PTK2: variants seen among roughly 807,000 people sequenced by gnomAD.
PTK2 encodes the protein protein tyrosine kinase 2.
PTK2 carries 45 observed loss-of-function variants against 150.1 expected under a neutral mutation model. The observed-to-expected ratio is 0.30, with a 90% CI of 0.24 to 0.38. The LOEUF (loss-of-function observed/expected upper bound fraction) is 0.38, where lower values mean the gene tolerates loss of function less well. Ranked by LOEUF, PTK2 falls within the 10% of genes least tolerant of loss-of-function variation. The probability of loss-of-function intolerance (pLI) is 1.00; values close to 1 mark genes in which losing one functional copy is unlikely to be tolerated. For synonymous variants in PTK2, 432 were observed against 449.2 expected (o/e 0.96, Z 0.48); for missense variants, 919 against 1,307.3 (o/e 0.70, Z 4.58).
At chr8:140,681,518 T>C (rs747059515) in intron 27 of PTK2, among the ~76,000 whole-genome samples, 47 of 152,086 alleles carry the variant, frequency 3.1e-4, no homozygotes, top group Non-Finnish European at 4.0e-4. Flanking sequence ...ACGCCTGGAA[T>C]CCCAGCACTT....
intron 1 of PTK2, among the ~76,000 whole-genome samples, chr8:140,985,709 A>G (rs1193202189): frequency 6.6e-6 from 1 of 152,364 alleles, no homozygotes; most frequent in East Asian, 1.9e-4. Context: ...ATGACTGCCT[A>G]AGGGCAGGGA....
At chr8:140,875,453 G>C (rs1379389790) in intron 4 of PTK2, among the ~76,000 whole-genome samples, 1 of 152,114 alleles carries the variant, frequency 6.6e-6, no homozygotes, top group East Asian at 1.9e-4. Flanking sequence ...GAAATCAAAA[G>C]GACTGATGTC....
chr8:140,922,240 T>C (rs1235832696), intron 2 of PTK2, among the ~76,000 whole-genome samples: 2 of 152,138 alleles, frequency 1.3e-5, no homozygotes, highest in Non-Finnish European at 2.9e-5. Context: ...AGGTTTACTT[T>C]CAGGCTCCTA....
chr8:140,849,149 C>T (rs1028885210), intron 5 of PTK2, among the ~76,000 whole-genome samples: 16 of 152,156 alleles, frequency 1.1e-4, no homozygotes, highest in Non-Finnish European at 1.5e-5. Context: ...TGCATGATCA[C>T]ACACTGAAAT....
At chr8:140,693,602 A>G (rs11785694) in intron 26 of PTK2, among the ~76,000 whole-genome samples, 44,731 of 119,358 alleles carry the variant, frequency 0.37, 11,023 homozygotes, top group Non-Finnish European at 0.49. Flanking sequence ...AAAAAAAAAA[A>G]GGAGCACTAG....
intron 14 of PTK2, among the ~76,000 whole-genome samples, chr8:140,766,355 C>T (rs1404744323): frequency 1.3e-5 from 2 of 152,146 alleles, no homozygotes; most frequent in Non-Finnish European, 2.9e-5. Context: ...AGGGCTTTAC[C>T]ATGCACCAAA....
chr8:140,989,331 C>A (rs1397382100), intron 1 of PTK2, among the ~76,000 whole-genome samples: 3 of 150,578 alleles, frequency 2.0e-5, no homozygotes, highest in African/African-American at 7.3e-5. Flanking sequence ...GAGTAGGAGG[C>A]TGCAGCGAGC....
chr8:140,870,011 C>T lies in PTK2; in HGVS notation c.363-5612G>A, dbSNP rs570487936. On this transcript the variant is annotated intron_variant, in intron 4 of 31. Coordinates refer to ENST00000522684, the Ensembl canonical transcript of PTK2. ...TCAAGCAAAGTATGAACAATATAAT[C>T]TTCAAATAACATGACGATAAGCTTG... Among the ~76,000 whole-genome samples, 3 of 152,010 alleles carry T rather than the reference C, an allele frequency of 2.0e-5. No homozygotes were observed. The South Asian group carries it at 6.2e-4, about 32-fold the overall frequency.
intron 26 of PTK2, among the ~76,000 whole-genome samples, chr8:140,696,494 T>A (rs943569311): frequency 6.6e-6 from 1 of 152,142 alleles, no homozygotes; most frequent in Non-Finnish European, 1.5e-5. Context: ...GGGATGTTGC[T>A]AAGAACTCCT....
At chr8:140,863,452 C>A (rs1450352610) in intron 5 of PTK2, among the ~76,000 whole-genome samples, 1 of 152,084 alleles carries the variant, frequency 6.6e-6, no homozygotes, top group Non-Finnish European at 1.5e-5. Context: ...AAAACCTAAA[C>A]CCCTGTTTAC....
At position 140,845,924 on chromosome 8, in the gene PTK2, T is replaced by C. The variant is rs567475069; in HGVS notation, c.593+336A>G. 7.4e-4 allele frequency among the ~76,000 whole-genome samples: 113 copies of C among 152,320 alleles called. 1 individual carries two copies. Among genetic ancestry groups the C allele is most frequent in the Non-Finnish European group, 1.2e-3 (84 of 68,014 alleles). Reference sequence around the variant, plus strand: ...ATCTCTATTTGTGCAAAACAATCTGTAGTAACTTATACAGAGAACATGAAT... The same window carrying C: ...ATCTCTATTTGTGCAAAACAATCTGCAGTAACTTATACAGAGAACATGAAT... On this transcript the variant is annotated intron_variant, in intron 7 of 31. Transcript: ENST00000522684.
chr8:140,887,866 T>TA (rs2154607299), intron 3 of PTK2, among the ~76,000 whole-genome samples: 4 of 152,340 alleles, frequency 2.6e-5, no homozygotes, highest in African/African-American at 9.6e-5. Context: ...CTATAGCACA[T>TA]GTCAATTCAG....
chr8:140,677,780 T>C (rs2100014746), intron 27 of PTK2, among the ~76,000 whole-genome samples: 1 of 152,242 alleles, frequency 6.6e-6, no homozygotes, highest in Admixed American at 6.5e-5. Context: ...TATTTTTGTG[T>C]AGTGCTTTCT....
At chr8:140,877,025 CTTTTTTTTTTTTTT>C (rs60000363) in intron 4 of PTK2, among the ~76,000 whole-genome samples, 1 of 71,828 alleles carries the variant, frequency 1.4e-5, no homozygotes, top group African/African-American at 5.9e-5. Context: ...TTCACTAATC[CTTTTTTTTTTTTTT>C]TTTTTTTTTT....
chr8:140,690,235 A>C (rs2100022317), intron 26 of PTK2, among the ~76,000 whole-genome samples: 1 of 152,148 alleles, frequency 6.6e-6, no homozygotes, highest in Admixed American at 6.5e-5. Flanking sequence ...TACAGGCGTG[A>C]GCCACCGCGC....
At chr8:140,782,196 C>G (rs1373462993) in intron 14 of PTK2, among the ~76,000 whole-genome samples, 1 of 144,642 alleles carries the variant, frequency 6.9e-6, no homozygotes, top group Non-Finnish European at 1.5e-5. Flanking sequence ...AATTATGTCA[C>G]AAAGCATATA....
At chr8:140,871,154 A>G (rs562256937) in intron 4 of PTK2, among the ~76,000 whole-genome samples, 1 of 152,378 alleles carries the variant, frequency 6.6e-6, no homozygotes, top group African/African-American at 2.4e-5. Flanking sequence ...CCATCAATTT[A>G]TAACTTTGTC....
intron 1 of PTK2, among the ~76,000 whole-genome samples, chr8:140,954,195 G>A (rs1329101110): frequency 6.6e-6 from 1 of 152,130 alleles, no homozygotes; most frequent in East Asian, 1.9e-4. Context: ...GGCCAGGCTG[G>A]TCTCGAACTC....
intron 4 of PTK2, among the ~76,000 whole-genome samples, chr8:140,865,318 C>T (rs998171884): frequency 6.6e-6 from 1 of 152,244 alleles, no homozygotes; most frequent in African/African-American, 2.4e-5. Context: ...TCCACCTTGG[C>T]CTCCCAAAGT....
Sources: allele counts gnomAD v4.1 joint callset (sites outside exome capture counted in the v4.1 genomes callset), GRCh38; gene constraint gnomAD v4.1.1; transcripts MANE v1.5; gene names NCBI Gene and HGNC (gene_info 2026-07-23, HGNC 2026-07-21).